Variants in CSMD1 observed in about 807,000 individuals in gnomAD.
CSMD1 encodes CUB and Sushi multiple domains 1, also known as CUB and sushi domain-containing protein 1.
A neutral mutation model predicts 417.5 loss-of-function variants in CSMD1; 213 were observed. The ratio of observed to expected loss-of-function variants is 0.51; its 90% CI spans 0.46 to 0.57. CSMD1 has a LOEUF of 0.57. Among genes scored for constraint, CSMD1 ranks in the 20% least tolerant of loss-of-function variants. The pLI, the probability that CSMD1 is intolerant of heterozygous loss-of-function variation, is 0.00. For synonymous variants in CSMD1, 2,862 were observed against 1,736.8 expected, an observed-to-expected ratio of 1.65 and a Z score of -16.11; for missense variants, 6,923 against 4,529.7, an observed-to-expected ratio of 1.53 and a Z score of -15.17.
rs768038669 is a variant in CSMD1, at chr8:4,442,277, TA to T, written c.303-22213del. Among the ~76,000 whole-genome samples the T allele has an allele frequency of 2.7e-3, 410 of 152,200 alleles. 1 individual carries two copies. Among genetic ancestry groups the T allele is most frequent in the African/African-American group, 9.6e-3 (400 of 41,532 alleles). ...CTTTAAAATTTTGTTTTTATAACAG[TA>T]AAAAAATTATTAAAAGTTAGAAAAG... On this transcript the variant is annotated intron_variant, in intron 2 of 69. Coordinates refer to ENST00000635120, the MANE Select transcript of CSMD1 (RefSeq NM_033225.6).
intron 1 of CSMD1, among the ~76,000 whole-genome samples, chr8:4,916,670 A>AT (rs944771950): frequency 7.2e-5 from 11 of 152,184 alleles, no homozygotes; most frequent in African/African-American, 9.7e-5. Flanking sequence ...GAGTCTAGGC[A>AT]TTTTTTTACA....
chr8:3,723,708 G>C (rs1389749167), intron 6 of CSMD1, among the ~76,000 whole-genome samples: 1 of 152,110 alleles, frequency 6.6e-6, no homozygotes, highest in Non-Finnish European at 1.5e-5. Context: ...TAACACGTGT[G>C]CTTTTTTACT....
At chr8:3,435,247 C>A (rs1814475004) in intron 12 of CSMD1, among the ~76,000 whole-genome samples, 1 of 152,178 alleles carries the variant, frequency 6.6e-6, no homozygotes, top group Non-Finnish European at 1.5e-5. Context: ...AATAGTATCC[C>A]TGACAGTTAA....
intron 3 of CSMD1, among the ~76,000 whole-genome samples, chr8:4,048,416 A>G (rs995903544): frequency 6.6e-6 from 1 of 152,224 alleles, no homozygotes; most frequent in African/African-American, 2.4e-5. Flanking sequence ...TACATATTTC[A>G]ATTTATGAAC....
chr8:3,258,227 A>T (rs1046153258), intron 26 of CSMD1, among the ~76,000 whole-genome samples: 1 of 152,236 alleles, frequency 6.6e-6, no homozygotes, highest in Non-Finnish European at 1.5e-5. Context: ...TCCAGCATCT[A>T]TAAGGAACTT....
At chr8:3,180,877 C>G (rs1821279634) in intron 37 of CSMD1, among the ~76,000 whole-genome samples, 2 of 152,062 alleles carry the variant, frequency 1.3e-5, no homozygotes, top group African/African-American at 4.8e-5. Context: ...CACCTGATGT[C>G]TGGTGATCCG....
At chr8:4,017,741 T>C (rs1362867382) in intron 4 of CSMD1, among the ~76,000 whole-genome samples, 3 of 152,178 alleles carry the variant, frequency 2.0e-5, no homozygotes, top group Non-Finnish European at 4.4e-5. Context: ...GTGTGCATGG[T>C]ACAAATGCTG....
At chr8:4,981,055 A>G (rs1191369002) in intron 1 of CSMD1, among the ~76,000 whole-genome samples, 1 of 152,258 alleles carries the variant, frequency 6.6e-6, no homozygotes, top group Non-Finnish European at 1.5e-5. Context: ...ACAAGATTCA[A>G]GCGTGAACAC....
intron 5 of CSMD1, among the ~76,000 whole-genome samples, chr8:3,768,213 G>C (rs1408112116): frequency 6.6e-6 from 1 of 152,098 alleles, no homozygotes; most frequent in Non-Finnish European, 1.5e-5. Context: ...TCCTGGCATA[G>C]ACAACCATAC....
At chr8:2,996,663 A>G (rs1806926575) in intron 54 of CSMD1, among the ~76,000 whole-genome samples, 1 of 152,218 alleles carries the variant, frequency 6.6e-6, no homozygotes, top group African/African-American at 2.4e-5. Context: ...GTCAGTCATA[A>G]GAGTTCAACT....
At chr8:3,906,658 C>T (rs1319760410) in intron 5 of CSMD1, among the ~76,000 whole-genome samples, 1 of 151,118 alleles carries the variant, frequency 6.6e-6, no homozygotes, top group Non-Finnish European at 1.5e-5. Context: ...CAAAGTACAC[C>T]TTGCACAGCA....
At chr8:3,399,299 C>A (rs968180436) in intron 16 of CSMD1, 92 bp downstream of exon 16, 22 of 1,246,702 alleles carry the variant, frequency 1.8e-5, no homozygotes, top group Admixed American at 7.3e-5. Context: ...CCGAAAAAAA[C>A]TGCCATCTTT....
At chr8:3,766,012 T>G (rs747027915) in intron 5 of CSMD1, among the ~76,000 whole-genome samples, 2 of 152,188 alleles carry the variant, frequency 1.3e-5, no homozygotes, top group African/African-American at 2.4e-5. Context: ...TGGGAGAGGA[T>G]GTGACAAAGC....
At chr8:4,031,358 T>G (rs144784121) in intron 4 of CSMD1, among the ~76,000 whole-genome samples, 3 of 152,292 alleles carry the variant, frequency 2.0e-5, no homozygotes, top group African/African-American at 7.2e-5. Context: ...GAGGAGCACA[T>G]CACGTCTTAC....
intron 1 of CSMD1, among the ~76,000 whole-genome samples, chr8:4,925,215 G>GTTTTTTTTTTTTTTTTT (rs10692207): frequency 1.4e-5 from 1 of 72,740 alleles, no homozygotes; most frequent in Non-Finnish European, 2.3e-5. Context: ...CAGTTTTATG[G>GTTTTTTTTTTTTTTTTT]TTTTTTTTTT....
intron 26 of CSMD1, among the ~76,000 whole-genome samples, chr8:3,277,608 A>G (rs529269834): frequency 6.6e-6 from 1 of 152,162 alleles, no homozygotes; most frequent in Non-Finnish European, 1.5e-5. Context: ...TGACTTTACC[A>G]AAACCGGGAA....
At chr8:3,742,977 A>G (rs1000997482) in intron 6 of CSMD1, among the ~76,000 whole-genome samples, 1 of 152,220 alleles carries the variant, frequency 6.6e-6, no homozygotes, top group South Asian at 2.1e-4. Flanking sequence ...AGACTACACA[A>G]CTAGTGGAAG....
chr8:4,104,133 A>G (rs767355689), intron 3 of CSMD1, among the ~76,000 whole-genome samples: 10 of 152,346 alleles, frequency 6.6e-5, no homozygotes, highest in East Asian at 3.9e-4. Flanking sequence ...GTGTTGATTC[A>G]GTCCCTCGTC....
Position 3,816,133 on chromosome 8 carries a change from G to A in CSMD1, c.819-62091C>T, listed in dbSNP as rs141179808. Among the ~76,000 whole-genome samples the A allele has an allele frequency of 9.1e-4, 138 of 152,210 alleles. 1 individual carries two copies. Among genetic ancestry groups the A allele is most frequent in the African/African-American group, 2.7e-3 (111 of 41,538 alleles). On this transcript the variant is annotated intron_variant, in intron 5 of 69. Coordinates refer to ENST00000635120, the MANE Select transcript of CSMD1 (RefSeq NM_033225.6). ...TATCTCATTAACACAACAATCGCAGGCTCAGTCTCAAAGAAAACAAGATTG... is the reference window on the plus strand; with the variant it reads ...TATCTCATTAACACAACAATCGCAGACTCAGTCTCAAAGAAAACAAGATTG...
Sources: allele counts gnomAD v4.1 joint callset (sites outside exome capture counted in the v4.1 genomes callset), GRCh38; gene constraint gnomAD v4.1.1; transcripts MANE v1.5; gene names NCBI Gene and HGNC (gene_info 2026-07-23, HGNC 2026-07-21).